The following CNTLN variants were observed in gnomAD, a reference collection of about 807,000 sequenced individuals.
CNTLN encodes the protein centlein, centrosomal protein.
In CNTLN, 212 loss-of-function variants were observed where a neutral mutation model predicts 180.0. The observed-to-expected ratio is 1.18, with a 90% CI of 1.05 to 1.32. The LOEUF (loss-of-function observed/expected upper bound fraction) is 1.32. Ranked by LOEUF, CNTLN falls within the 40% of genes most tolerant of loss-of-function variation. The probability of loss-of-function intolerance (pLI) is 0.00; values close to 1 mark genes in which losing one functional copy is unlikely to be tolerated. For missense variants in CNTLN, 2,095 were observed against 1,610.9 expected, an observed-to-expected ratio of 1.30 and a Z score of -5.14; for synonymous variants, 722 against 563.1, an observed-to-expected ratio of 1.28 and a Z score of -3.99.
At chr9:17,198,171 C>T (rs1247463516) in intron 2 of CNTLN, among the ~76,000 whole-genome samples, 1 of 152,004 alleles carries the variant, frequency 6.6e-6, no homozygotes, top group Non-Finnish European at 1.5e-5. Context: ...TAATATGATC[C>T]ATCCAGTTTA....
At chr9:17,206,632 A>G (rs769235843) in intron 2 of CNTLN, among the ~76,000 whole-genome samples, 4 of 152,182 alleles carry the variant, frequency 2.6e-5, no homozygotes, top group Non-Finnish European at 4.4e-5. Flanking sequence ...TTTCCTACAA[A>G]TGAGTATCAA....
chr9:17,490,749 G>A (rs1344066842), intron 25 of CNTLN, among the ~76,000 whole-genome samples: 1 of 151,838 alleles, frequency 6.6e-6, no homozygotes, highest in Non-Finnish European at 1.5e-5. Flanking sequence ...ACTTAAAACA[G>A]TTAACTCCTT....
intron 6 of CNTLN, among the ~76,000 whole-genome samples, chr9:17,280,929 CAG>C (rs2132580271): frequency 6.6e-6 from 1 of 152,192 alleles, no homozygotes; most frequent in Admixed American, 6.5e-5. Flanking sequence ...TAGGCTGAGG[CAG>C]AGAGATGGAC....
intron 6 of CNTLN, among the ~76,000 whole-genome samples, chr9:17,283,698 G>C (rs561322242): frequency 5.9e-5 from 9 of 152,242 alleles, no homozygotes; most frequent in African/African-American, 1.9e-4. Context: ...AATGTTTCCA[G>C]CTTTTGCCCA....
At chr9:17,474,908 T>C (rs1325267167) in intron 23 of CNTLN, among the ~76,000 whole-genome samples, 1 of 151,628 alleles carries the variant, frequency 6.6e-6, no homozygotes, top group Non-Finnish European at 1.5e-5. Flanking sequence ...ACTCCCTTAC[T>C]CTAGTCTCCT....
chr9:17,437,564 A>G lies in CNTLN; in HGVS notation c.3115-19960A>G, dbSNP rs559155987. Among the ~76,000 whole-genome samples, 72 of 152,336 alleles carry G rather than the reference A, an allele frequency of 4.7e-4. 3 individuals are homozygous for G. In the South Asian group the frequency reaches 0.014, roughly 30 times the overall value. On this transcript the variant is annotated intron_variant, in intron 18 of 25. Coordinates refer to ENST00000380647, the MANE Select transcript of CNTLN (RefSeq NM_017738.4). ...GAAAAATTGTAGCATATTTATCACTATTGAATTGATATACTATTTAACTGT... is the reference window on the plus strand; with the variant it reads ...GAAAAATTGTAGCATATTTATCACTGTTGAATTGATATACTATTTAACTGT...
intron 2 of CNTLN, among the ~76,000 whole-genome samples, chr9:17,209,940 G>T (rs1465965094): frequency 6.6e-6 from 1 of 152,164 alleles, no homozygotes; most frequent in African/African-American, 2.4e-5. Flanking sequence ...CTTTATGGAT[G>T]GAGAAACCCA....
chr9:17,344,182 A>G (rs1189100326), intron 12 of CNTLN, among the ~76,000 whole-genome samples: 2 of 152,228 alleles, frequency 1.3e-5, no homozygotes, highest in Non-Finnish European at 2.9e-5. Context: ...ATAGAACTAC[A>G]GAAAAAGTAA....
the CNTLN span, among the ~76,000 whole-genome samples, chr9:17,517,971 G>GCT: frequency 6.8e-6 from 1 of 147,064 alleles, no homozygotes; most frequent in African/African-American, 2.5e-5. Flanking sequence ...GCCTCTTTAG[G>GCT]CTTTTTTTCT....
At chr9:17,270,016 C>G (rs1163531661) in intron 5 of CNTLN, among the ~76,000 whole-genome samples, 2 of 152,050 alleles carry the variant, frequency 1.3e-5, no homozygotes, top group Non-Finnish European at 2.9e-5. Context: ...TAATCTTGCT[C>G]AACTCTAGCT....
At chr9:17,250,996 T>TAAAA (rs1049057651) in intron 5 of CNTLN, among the ~76,000 whole-genome samples, 2 of 152,040 alleles carry the variant, frequency 1.3e-5, no homozygotes, top group Non-Finnish European at 2.9e-5. Flanking sequence ...TCTCCCTTTT[T>TAAAA]AAGGACAGTT....
intron 2 of CNTLN, among the ~76,000 whole-genome samples, chr9:17,150,675 A>G (rs1818801818): frequency 6.6e-6 from 1 of 152,124 alleles, no homozygotes; most frequent in South Asian, 2.1e-4. Flanking sequence ...AGTTTTTTCC[A>G]ATTCTGTGAA....
chr9:17,470,389 A>G lies in CNTLN; in HGVS notation c.3855+3498A>G, dbSNP rs78634623. ...TGCAGAGCTTATTAGGGTATCATGT[A>G]CACAAAAGTACTTAATAAATATTAT... On this transcript the variant is annotated intron_variant, in intron 23 of 25. Coordinates refer to ENST00000380647, the MANE Select transcript of CNTLN (RefSeq NM_017738.4). 4.2e-4 allele frequency among the ~76,000 whole-genome samples: 64 copies of G among 152,046 alleles called. 1 individual carries two copies. The East Asian group carries it at 6.9e-3, about 16-fold the overall frequency.
At chr9:17,421,829 C>T (rs973263201) in intron 18 of CNTLN, among the ~76,000 whole-genome samples, 1 of 152,066 alleles carries the variant, frequency 6.6e-6, no homozygotes, top group African/African-American at 2.4e-5. Context: ...ATTATAAAAA[C>T]AATAGACAAG....
chr9:17,383,265 C>G (rs895498761), intron 13 of CNTLN, among the ~76,000 whole-genome samples: 25 of 152,022 alleles, frequency 1.6e-4, no homozygotes, highest in African/African-American at 5.3e-4. Flanking sequence ...CGCTGTGGCT[C>G]ACACTGTAAT....
chr9:17,209,605 A>G (rs1353205883), intron 2 of CNTLN, among the ~76,000 whole-genome samples: 2 of 152,194 alleles, frequency 1.3e-5, no homozygotes, highest in Admixed American at 1.3e-4. Context: ...CTCCAGTGTT[A>G]GGCACCTATA....
rs561352803 is a variant in CNTLN at position 17,143,506 on chromosome 9, A to G, written c.449+130A>G. ...AATTTCTGAATAAATGTGGAGCTAA[A>G]AATTAAATTGTTGGATTTATTATGA... On this transcript the variant is annotated intron_variant, in intron 2 of 25. Transcript: ENST00000380647. The G allele has an allele frequency of 4.9e-4, 334 of 686,072 alleles. 2 individuals carry two copies. In the African/African-American group the frequency reaches 6.5e-3, roughly 13 times the overall value. The allele number at this position is 686,072 out of a possible 1,614,324, so 42.5% of individuals were successfully genotyped here.
chr9:17,477,845 G>C (rs1311397384), intron 23 of CNTLN, among the ~76,000 whole-genome samples: 1 of 152,196 alleles, frequency 6.6e-6, no homozygotes, highest in Non-Finnish European at 1.5e-5. Context: ...AGCAGTGGCA[G>C]GGTTTGAGAG....
chr9:17,447,377 G>C (rs978446055), intron 18 of CNTLN: 1 of 190,594 alleles, frequency 5.2e-6, no homozygotes, highest in African/African-American at 2.4e-5. Flanking sequence ...AAAAGTGTTT[G>C]GAAAAGTTCT....
Sources: gnomAD v4.1 joint callset for allele counts (sites outside exome capture counted in the v4.1 genomes callset) on GRCh38, gnomAD v4.1.1 for gene constraint, MANE v1.5 for transcripts, NCBI Gene and HGNC (gene_info 2026-07-23, HGNC 2026-07-21) for gene names.